WWOX: variants seen among roughly 807,000 people sequenced by gnomAD.
WWOX encodes the protein WW domain containing oxidoreductase, also known as WW domain-containing oxidoreductase.
In WWOX, 69 loss-of-function variants were observed where a neutral mutation model predicts 46.2. The ratio of observed to expected loss-of-function variants is 1.49; its 90% CI spans 1.23 to 1.82. The LOEUF (loss-of-function observed/expected upper bound fraction) is 1.82, where lower values mean the gene tolerates loss of function less well. WWOX is among the 40% of genes most tolerant of loss of function. The pLI, the probability that WWOX is intolerant of heterozygous loss-of-function variation, is 0.00. For missense variants in WWOX, 919 were observed against 542.6 expected (o/e 1.69, Z -6.89); for synonymous variants, 359 against 202.6 (o/e 1.77, Z -6.56).
At chr16:78,382,501 GGTT>G (rs1284017809) in intron 5 of WWOX, among the ~76,000 whole-genome samples, 2 of 152,128 alleles carry the variant, frequency 1.3e-5, no homozygotes, top group African/African-American at 2.4e-5. Context: ...GAGATTTGGG[GGTT>G]GTTCCTTACT....
chr16:78,196,852 C>T (rs965873765), intron 5 of WWOX, among the ~76,000 whole-genome samples: 4 of 152,210 alleles, frequency 2.6e-5, no homozygotes, highest in Admixed American at 2.6e-4. Context: ...GGACAAAAGT[C>T]ATGGTAAGAT....
chr16:78,981,663 G>C (rs1391692594), intron 8 of WWOX: 1 of 152,216 alleles, frequency 6.6e-6, no homozygotes, highest in African/African-American at 2.4e-5. Context: ...CTGACTTCGA[G>C]TGATCCACCG....
At chr16:78,623,544 G>A (rs1327935478) in intron 8 of WWOX, among the ~76,000 whole-genome samples, 1 of 152,018 alleles carries the variant, frequency 6.6e-6, no homozygotes, top group African/African-American at 2.4e-5. Context: ...GCCAGGCATG[G>A]TGGCGCATGC....
chr16:79,056,019 C>G (rs2048255338), intron 8 of WWOX, among the ~76,000 whole-genome samples: 1 of 152,072 alleles, frequency 6.6e-6, no homozygotes, highest in African/African-American at 2.4e-5. Context: ...CAAGTACTTT[C>G]CATGAAATAG....
At chr16:78,555,585 C>CTTTT (rs5818153) in intron 8 of WWOX, among the ~76,000 whole-genome samples, 3 of 141,012 alleles carry the variant, frequency 2.1e-5, no homozygotes, top group Admixed American at 7.1e-5. Flanking sequence ...AGGAGTGCCA[C>CTTTT]TTTTTTTTTT....
chr16:78,830,697 C>G (rs953361664), intron 8 of WWOX, among the ~76,000 whole-genome samples: 1 of 151,782 alleles, frequency 6.6e-6, no homozygotes, highest in African/African-American at 2.4e-5. Context: ...GGCCGTGCAG[C>G]TTTCTGGGCT....
chr16:78,144,448 C>CGTATAT lies in WWOX; in HGVS notation c.410-19735_410-19734insGTATAT, dbSNP rs71380475. Among the ~76,000 whole-genome samples the CGTATAT allele has an allele frequency of 2.2e-3, 39 of 17,574 alleles. 7 individuals carry two copies. The highest frequency in any genetic ancestry group is 3.8e-3 in the Non-Finnish European group (32 of 8,342). 11.5% of individuals were successfully genotyped at this position (17,574 alleles called of 152,430 possible). ...CCATTACTATATATATATATATATA[C>CGTATAT]ACATATATATATATACACACATATA... is the stretch of plus-strand genomic sequence containing the variant. On this transcript the variant is annotated intron_variant, in intron 4 of 8. Coordinates refer to ENST00000566780, the MANE Select transcript of WWOX (RefSeq NM_016373.4).
At chr16:78,538,516 C>G (rs1276916935) in intron 8 of WWOX, among the ~76,000 whole-genome samples, 1 of 152,102 alleles carries the variant, frequency 6.6e-6, no homozygotes, top group African/African-American at 2.4e-5. Context: ...CTGTAGCCTG[C>G]CCTCCTCTTT....
chr16:78,418,985 A>G (rs1422316428), intron 6 of WWOX, among the ~76,000 whole-genome samples: 1 of 152,222 alleles, frequency 6.6e-6, no homozygotes, highest in Non-Finnish European at 1.5e-5. Context: ...GAAAAAAAAG[A>G]TCCAGATTGA....
At chr16:79,058,412 T>G (rs2048304014) in intron 8 of WWOX, among the ~76,000 whole-genome samples, 1 of 152,056 alleles carries the variant, frequency 6.6e-6, no homozygotes, top group Admixed American at 6.6e-5. Flanking sequence ...GTGATTATTG[T>G]TGTTACCATT....
intron 8 of WWOX, among the ~76,000 whole-genome samples, chr16:78,571,737 A>G (rs1456126572): frequency 6.6e-6 from 1 of 152,102 alleles, no homozygotes; most frequent in Non-Finnish European, 1.5e-5. Context: ...GCGTGGTGGT[A>G]TGTGACTGCA....
chr16:78,165,371 G>T (rs2034936992), intron 5 of WWOX, among the ~76,000 whole-genome samples: 1 of 152,192 alleles, frequency 6.6e-6, no homozygotes, highest in Non-Finnish European at 1.5e-5. Flanking sequence ...TATTGTGGAA[G>T]ACAAATTTAG....
At chr16:79,037,421 G>C (rs2047889340) in intron 8 of WWOX, among the ~76,000 whole-genome samples, 1 of 152,178 alleles carries the variant, frequency 6.6e-6, no homozygotes, top group Non-Finnish European at 1.5e-5. Flanking sequence ...CGATGATGCT[G>C]TATGCTGGGT....
At chr16:78,925,863 C>A (rs989165525) in intron 8 of WWOX, among the ~76,000 whole-genome samples, 2 of 152,160 alleles carry the variant, frequency 1.3e-5, no homozygotes, top group African/African-American at 4.8e-5. Context: ...TTGGTCATTT[C>A]TTGGTTTTTC....
chr16:79,202,063 T>A (rs201436694), intron 8 of WWOX, among the ~76,000 whole-genome samples: 2 of 149,664 alleles, frequency 1.3e-5, no homozygotes, highest in East Asian at 2.0e-4. Flanking sequence ...GCCTTTTTTT[T>A]TATAAATAAA....
intron 5 of WWOX, among the ~76,000 whole-genome samples, chr16:78,362,768 T>C (rs1322220481): frequency 1.3e-5 from 2 of 152,228 alleles, no homozygotes; most frequent in Non-Finnish European, 2.9e-5. Flanking sequence ...TTACTATGTG[T>C]CCAGTAGATA....
intron 7 of WWOX, among the ~76,000 whole-genome samples, chr16:78,427,860 G>C (rs984732636): frequency 1.3e-5 from 2 of 152,136 alleles, no homozygotes; most frequent in African/African-American, 2.4e-5. Context: ...CAGCACTCAA[G>C]AGTTCGAGAT....
chr16:78,284,043 C>T (rs2079729016), intron 5 of WWOX, among the ~76,000 whole-genome samples: 1 of 152,134 alleles, frequency 6.6e-6, no homozygotes, highest in Non-Finnish European at 1.5e-5. Context: ...ATTTGTATCT[C>T]GTTAAAACAT....
At position 79,212,427 on chromosome 16, in the gene WWOX, CA is replaced by C; in HGVS notation, c.*637del. The C allele has an allele frequency of 3.3e-6, 1 of 305,374 alleles. No homozygotes were observed. The highest frequency in any genetic ancestry group is 4.5e-5 in the Admixed American group (1 of 22,250). 18.9% of individuals were successfully genotyped at this position (305,374 alleles called of 1,614,324 possible). A position where few individuals can be genotyped will look rare whatever the true frequency, so the allele number is the denominator to read the frequency against. ...CATAGACTCCTTTGCTAATGCTATGCAAAAAATTCTTTAGAGATTATAACAA... is the reference window on the plus strand; with the variant it reads ...CATAGACTCCTTTGCTAATGCTATGCAAAAATTCTTTAGAGATTATAACAA... On this transcript the variant is annotated 3_prime_UTR_variant, in exon 9 of 9. Transcript: ENST00000566780.
Sources: gnomAD v4.1 joint callset for allele counts (sites outside exome capture counted in the v4.1 genomes callset) on GRCh38, gnomAD v4.1.1 for gene constraint, MANE v1.5 for transcripts, NCBI Gene and HGNC (gene_info 2026-07-23, HGNC 2026-07-21) for gene names.